PCDHA8: variants seen among roughly 807,000 people sequenced by gnomAD.
PCDHA8 encodes protocadherin alpha 8.
PCDHA8 carries 53 observed loss-of-function variants against 61.8 expected under a neutral mutation model. That is an observed-to-expected ratio of 0.86 (90% confidence interval 0.69 to 1.08). The LOEUF is 1.08. Ranked by LOEUF, PCDHA8 falls within the 50% of genes least tolerant of loss-of-function variation. The pLI is 0.00. For synonymous variants in PCDHA8, 618 were observed against 556.6 expected, an observed-to-expected ratio of 1.11 and a Z score of -1.55; for missense variants, 1,293 against 1,245.0, an observed-to-expected ratio of 1.04 and a Z score of -0.58.
At chr5:140,877,205 GCGAGTTGGTACCGCGGT>G in intron 1 of PCDHA8, 1 of 1,613,826 alleles carries the variant, frequency 6.2e-7, no homozygotes, top group Non-Finnish European at 8.5e-7. Flanking sequence ...GGCGCAGTTA[GCGAGTTGGTACCGCGGT>G]CGGTGGGTGC....
At chr5:140,989,319 A>G (rs1291622013) in intron 3 of PCDHA8, among the ~76,000 whole-genome samples, 1 of 152,138 alleles carries the variant, frequency 6.6e-6, no homozygotes, top group Admixed American at 6.5e-5. Context: ...GGGTCTCACC[A>G]ACTTTGCCAC....
At chr5:140,884,810 G>A in intron 1 of PCDHA8, 1 of 1,150,538 alleles carries the variant, frequency 8.7e-7, no homozygotes, top group Non-Finnish European at 1.2e-6. Context: ...CAACTCTGCT[G>A]TGGACATTAT....
chr5:140,847,746 C>A (rs145193370), intron 1 of PCDHA8: 2 of 149,840 alleles, frequency 1.3e-5, no homozygotes, highest in Non-Finnish European at 3.0e-5. Context: ...TTTCTCCCCA[C>A]GCAACACAAG....
intron 3 of PCDHA8, among the ~76,000 whole-genome samples, chr5:140,992,437 T>G (rs1554252912): frequency 6.6e-6 from 1 of 151,938 alleles, no homozygotes; most frequent in African/African-American, 2.4e-5. Context: ...GTTCCAAGAG[T>G]TGGGAGCAGG....
intron 1 of PCDHA8, chr5:140,870,454 G>A (rs782508076): frequency 6.2e-7 from 1 of 1,614,236 alleles, no homozygotes; most frequent in African/African-American, 1.3e-5. Flanking sequence ...GAACGACAAT[G>A]CGCCTGCGTT....
Position 140,871,268 on chromosome 5 carries a change from G to T in PCDHA8, c.2394+27553G>T, listed in dbSNP as rs368729446. ...CTGCTGCTGTATACGGCGCTGTGGTGGTCGGCAACGCCCACTGAGGGCGCG... is the reference window on the plus strand; with the variant it reads ...CTGCTGCTGTATACGGCGCTGTGGTTGTCGGCAACGCCCACTGAGGGCGCG... On this transcript the variant is annotated intron_variant, in intron 1 of 3. Transcript: ENST00000531613. 53 of 1,613,850 alleles carry T rather than the reference G, an allele frequency of 3.3e-5. No homozygotes were observed. The African/African-American group carries it at 6.7e-4, about 20-fold the overall frequency.
At chr5:140,877,771 AC>A in intron 1 of PCDHA8, 2 of 1,614,178 alleles carry the variant, frequency 1.2e-6, no homozygotes, top group South Asian at 2.2e-5. Flanking sequence ...CCCGCCCAAG[AC>A]GGACCTCATG....
At chr5:140,928,321 A>C (rs1296238254) in intron 1 of PCDHA8, 2 of 1,614,044 alleles carry the variant, frequency 1.2e-6, no homozygotes, top group African/African-American at 2.7e-5. Context: ...CCTGGGGAAG[A>C]ATGGCCTTGT....
chr5:140,979,414 T>C (rs1410205907), intron 2 of PCDHA8, among the ~76,000 whole-genome samples: 1 of 152,242 alleles, frequency 6.6e-6, no homozygotes, highest in African/African-American at 2.4e-5. Flanking sequence ...CCTTGTTTTT[T>C]TTTTAATCTC....
rs781924329 is a variant in PCDHA8, at chr5:140,856,796, A to T, written c.2394+13081A>T. 42 of 1,595,540 alleles carry T rather than the reference A, an allele frequency of 2.6e-5. 2 individuals carry two copies. The highest frequency in any genetic ancestry group is 1.8e-4 in the South Asian group (16 of 90,506). ...TGACAGACCGGTTTATGAAGTTAAG[A>T]TGTATGAAAATCAAGTGAACCAAAC... On this transcript the variant is annotated intron_variant, in intron 1 of 3. Transcript: ENST00000531613.
chr5:140,869,271 G>C (rs2050992128), intron 1 of PCDHA8: 1 of 1,613,468 alleles, frequency 6.2e-7, no homozygotes, highest in Admixed American at 1.7e-5. Flanking sequence ...GGCTGGAGCT[G>C]GCGGAGCTGG....
chr5:140,884,555 G>C, intron 1 of PCDHA8: 1 of 1,614,098 alleles, frequency 6.2e-7, no homozygotes, highest in Non-Finnish European at 8.5e-7. Context: ...CTCTGGGGAG[G>C]GCCCGCATAA....
Position 140,849,909 on chromosome 5 carries a change from T to A in PCDHA8, c.2394+6194T>A. ...CGTGAAGGAGAACAACCCGCCGGGC[T>A]GCCACATCTTCACGGTGTCTGCGCG... On this transcript the variant is annotated intron_variant, in intron 1 of 3. Coordinates refer to ENST00000531613, the MANE Select transcript of PCDHA8 (RefSeq NM_018911.3). The A allele has an allele frequency of 3.8e-6, 6 of 1,598,300 alleles. 2 individuals carry two copies. The highest frequency in any genetic ancestry group is 5.1e-6 in the Non-Finnish European group (6 of 1,167,786).
In PCDHA8 at chr5:140,842,578, G is replaced by T; in HGVS notation, c.1257G>T (p.Ser419=). The change falls in exon 1 of 4, where the codon TCG becomes TCT. Residue 419 remains serine (S), a synonymous_variant. Transcript: ENST00000531613. ...LDSALDRERV[S]AYELVVTARD... ...GCGCCCTGGACCGCGAGAGAGTGTC[G>T]GCCTATGAGTTGGTGGTAACCGCGC... The T allele has an allele frequency of 1.3e-6, 2 of 1,515,278 alleles. No individual in the cohort carries two copies. Among genetic ancestry groups the T allele is most frequent in the Non-Finnish European group, 1.8e-6 (2 of 1,114,964 alleles). The allele number at this position is 1,515,278 out of a possible 1,614,324, so 93.9% of individuals were successfully genotyped here. A position where few individuals can be genotyped will look rare whatever the true frequency, so the allele number is the denominator to read the frequency against.
chr5:141,000,423 T>C (rs470406), intron 3 of PCDHA8, among the ~76,000 whole-genome samples: 6 of 66,864 alleles, frequency 9.0e-5, no homozygotes, highest in Non-Finnish European at 1.8e-4. Context: ...ATATATATAT[T>C]TTTTTTTTTT....
intron 1 of PCDHA8, among the ~76,000 whole-genome samples, chr5:140,895,085 C>T (rs144485224): frequency 2.0e-5 from 3 of 152,298 alleles, no homozygotes; most frequent in Non-Finnish European, 4.4e-5. Flanking sequence ...AGTTCCTCCT[C>T]AGTATAGGGG....
At chr5:140,968,795 A>G in intron 1 of PCDHA8, 2 of 1,614,210 alleles carry the variant, frequency 1.2e-6, no homozygotes, top group Non-Finnish European at 1.7e-6. Context: ...TGTGGCCATT[A>G]CAGTAGCTGT....
At chr5:140,957,194 G>A (rs2095341106) in intron 1 of PCDHA8, among the ~76,000 whole-genome samples, 1 of 152,012 alleles carries the variant, frequency 6.6e-6, no homozygotes, top group Non-Finnish European at 1.5e-5. Context: ...TGACCGATTG[G>A]GAATATAAAT....
chr5:140,875,125 A>T (rs1158150211), intron 1 of PCDHA8, among the ~76,000 whole-genome samples: 2 of 152,240 alleles, frequency 1.3e-5, no homozygotes, highest in Non-Finnish European at 2.9e-5. Flanking sequence ...TATATTAACT[A>T]AACCCGCATT....
Sources: gnomAD v4.1 joint callset for allele counts (sites outside exome capture counted in the v4.1 genomes callset) on GRCh38, gnomAD v4.1.1 for gene constraint, MANE v1.5 for transcripts, NCBI Gene and HGNC (gene_info 2026-07-23, HGNC 2026-07-21) for gene names.